Variants in DNAH3 observed in about 807,000 individuals in gnomAD.
The protein encoded by DNAH3 is dynein axonemal heavy chain 3.
DNAH3 carries 332 observed loss-of-function variants against 432.5 expected under a neutral mutation model. The ratio of observed to expected loss-of-function variants is 0.77; its 90% CI spans 0.70 to 0.84. The LOEUF (loss-of-function observed/expected upper bound fraction) is 0.84, where lower values mean the gene tolerates loss of function less well. Ranked by LOEUF, DNAH3 falls within the 40% of genes least tolerant of loss-of-function variation. The pLI is 0.00. For missense variants in DNAH3, 4,861 were observed against 5,114.0 expected (o/e 0.95, Z 1.51); for synonymous variants, 1,956 against 1,900.2 (o/e 1.03, Z -0.76).
intron 19 of DNAH3, among the ~76,000 whole-genome samples, chr16:21,085,323 C>T (rs1217200475): frequency 6.6e-6 from 1 of 151,912 alleles, no homozygotes; most frequent in Admixed American, 6.6e-5. Flanking sequence ...GCGGGTGGAT[C>T]ACTTGAGGTC....
At position 20,969,996 on chromosome 16, in the gene DNAH3, G is replaced by T. The variant is rs1186131302; in HGVS notation, c.8260-6C>A. On this transcript the variant is annotated splice_polypyrimidine_tract_variant and splice_region_variant and intron_variant, in intron 51 of 61. Coordinates refer to ENST00000261383, the Ensembl canonical transcript of DNAH3. The stretch of plus-strand genomic sequence containing the variant: ...AGGTCCCCCTCACATTCGTTCTGTG[G>T]GCGGCATGAGGACAAAGGAGATGAG... The T allele has an allele frequency of 6.2e-7, 1 of 1,613,428 alleles. No homozygotes were observed. The highest frequency in any genetic ancestry group is 8.5e-7 in the Non-Finnish European group (1 of 1,179,992).
intron 48 of DNAH3, among the ~76,000 whole-genome samples, chr16:20,984,846 C>T (rs1334009220): frequency 6.6e-6 from 1 of 150,432 alleles, no homozygotes; most frequent in Non-Finnish European, 1.5e-5. Context: ...GCCTGGGCAA[C>T]AGAGCAAGAC....
intron 52 of DNAH3, 36 bp from the exon 53 acceptor site, chr16:20,965,461 A>C (rs777587679): frequency 1.4e-6 from 2 of 1,474,140 alleles, no homozygotes; most frequent in Non-Finnish European, 1.8e-6. Flanking sequence ...ATGTGTTAAG[A>C]CATTCTGGCC....
exon 54 of DNAH3, chr16:20,959,352 G>A: frequency 1.2e-6 from 2 of 1,614,174 alleles, no homozygotes; most frequent in South Asian, 1.1e-5. Flanking sequence ...CAAGGGAGAT[G>A]GTCTGTGTTC....
At chr16:20,963,725 CCTT>C (rs1456546533) in exon 53 of DNAH3, 8 of 1,613,934 alleles carry the variant, frequency 5.0e-6, no homozygotes, top group Non-Finnish European at 6.8e-6. Flanking sequence ...TCCGTAATTT[CCTT>C]CTTCTGTTTC....
At chr16:21,071,886 G>C (rs1014770922) in intron 21 of DNAH3, among the ~76,000 whole-genome samples, 1 of 152,004 alleles carries the variant, frequency 6.6e-6, no homozygotes, top group Non-Finnish European at 1.5e-5. Context: ...CCTTTCCCTT[G>C]GGTAGGAAGA....
chr16:21,126,450 T>C (rs1484622770), intron 8 of DNAH3, among the ~76,000 whole-genome samples: 1 of 152,212 alleles, frequency 6.6e-6, no homozygotes, highest in African/African-American at 2.4e-5. Flanking sequence ...TTATTATCAC[T>C]GTTTTACACA....
At chr16:21,117,220 A>G in exon 12 of DNAH3, 1 of 1,603,080 alleles carries the variant, frequency 6.2e-7, no homozygotes, top group Non-Finnish European at 8.5e-7. Flanking sequence ...GGCCAACTTG[A>G]TTTTTCTGAA....
chr16:21,115,439 GCTCA>G (rs1755107966), intron 12 of DNAH3, among the ~76,000 whole-genome samples: 1 of 151,730 alleles, frequency 6.6e-6, no homozygotes, highest in Non-Finnish European at 1.5e-5. Context: ...AGGCAAGGTG[GCTCA>G]CACCTGTAAT....
At position 21,067,956 on chromosome 16, in the gene DNAH3, G is replaced by A. The variant is rs372977921; in HGVS notation, c.3382-537C>T. Among the ~76,000 whole-genome samples, 7 of 151,922 alleles carry A rather than the reference G, an allele frequency of 4.6e-5. No individual in the cohort carries two copies. In the South Asian group the frequency reaches 6.3e-4, roughly 14 times the overall value. ...CATGAGACACCCATTTGGTCTTCTCGTTTCAGCTATCCTGAGTCAGTTTCT... is the reference window on the plus strand; with the variant it reads ...CATGAGACACCCATTTGGTCTTCTCATTTCAGCTATCCTGAGTCAGTTTCT... On this transcript the variant is annotated intron_variant, in intron 23 of 61. Coordinates refer to ENST00000261383, the Ensembl canonical transcript of DNAH3.
intron 58 of DNAH3, among the ~76,000 whole-genome samples, chr16:20,943,759 T>C (rs745951974): frequency 4.6e-5 from 7 of 152,020 alleles, no homozygotes; most frequent in African/African-American, 7.2e-5. Flanking sequence ...CGCAAGCAGA[T>C]TGCTTGAGCC....
At chr16:20,949,605 TA>T (rs1267954030) in intron 56 of DNAH3, among the ~76,000 whole-genome samples, 1 of 152,146 alleles carries the variant, frequency 6.6e-6, no homozygotes, top group Non-Finnish European at 1.5e-5. Context: ...CCCTGGTGGA[TA>T]AAGAGGGACT....
chr16:20,993,534 A>G (rs774563147), intron 44 of DNAH3, among the ~76,000 whole-genome samples: 1 of 152,170 alleles, frequency 6.6e-6, no homozygotes, highest in Non-Finnish European at 1.5e-5. Flanking sequence ...TAAAATCCTC[A>G]ACTCTCATTT....
chr16:20,961,512 TAAAAAAATA>T (rs869287193), intron 53 of DNAH3, among the ~76,000 whole-genome samples: 2 of 147,074 alleles, frequency 1.4e-5, no homozygotes, highest in African/African-American at 5.1e-5. Flanking sequence ...AATAAATGAA[TAAAAAAATA>T]AAATAAAATA....
At position 21,146,106 on chromosome 16, in the gene DNAH3, A is replaced by C; in HGVS notation, c.118-18T>G. 6.4e-7 allele frequency: 1 copy of C among 1,554,842 alleles called. No individual in the cohort carries two copies. ...TTGGCGATCTGTGGGACATGGGAAC[A>C]AAGTCACCCTTCAAAAATTAGGGAA... On this transcript the variant is annotated intron_variant, in intron 1 of 61. Transcript: ENST00000261383.
rs899111518 is a variant in DNAH3, at chr16:21,005,326, T to A, written c.6023-2119A>T. Among the ~76,000 whole-genome samples the A allele has an allele frequency of 4.3e-5, 6 of 139,438 alleles. No individual in the cohort carries two copies. In the South Asian group the frequency reaches 1.6e-3, roughly 38 times the overall value. The allele number at this position is 139,438 out of a possible 152,430, so 91.5% of individuals were successfully genotyped here. On this transcript the variant is annotated intron_variant, in intron 41 of 61. Transcript: ENST00000261383. ...TCCCTCCTTCCCTCCCTCCCTCCCT[T>A]CCTTCCTTCTTTCCTTCCTTCCTTC...
rs751866921 is a variant in DNAH3 at position 20,963,811 on chromosome 16, T to C, written c.10073A>G (p.Tyr3358Cys). 20 of 1,613,952 alleles carry C rather than the reference T, an allele frequency of 1.2e-5. No homozygotes were observed. In the South Asian group the frequency reaches 1.4e-4, roughly 12 times the overall value. Residue 3358 changes from tyrosine to cysteine, a missense_variant, in exon 53 of 62, where the codon TAC (tyrosine) becomes TGC (cysteine). Transcript: ENST00000261383. ...AAACAGAGAACGGCACACGTTGTTG[T>C]AGATGCTCAGGGTGAAATGGTCAAT... is the stretch of plus-strand genomic sequence containing the variant.
intron 32 of DNAH3, 109 bp downstream of exon 32, chr16:21,041,918 C>T (rs963288810): frequency 2.3e-6 from 3 of 1,284,782 alleles, no homozygotes; most frequent in African/African-American, 3.0e-5. Flanking sequence ...GGTGATTTGC[C>T]CACCTTGGCC....
At chr16:21,116,066 T>C (rs1347837236) in intron 12 of DNAH3, among the ~76,000 whole-genome samples, 1 of 152,144 alleles carries the variant, frequency 6.6e-6, no homozygotes, top group Non-Finnish European at 1.5e-5. Context: ...CAGTCAAAAA[T>C]GTCAGTAGAG....
Sources: allele counts gnomAD v4.1 joint callset (sites outside exome capture counted in the v4.1 genomes callset), GRCh38; gene constraint gnomAD v4.1.1; transcripts MANE v1.5; gene names NCBI Gene and HGNC (gene_info 2026-07-23, HGNC 2026-07-21).